The following GRIN2B variants were observed in gnomAD, a reference collection of about 807,000 sequenced individuals.
GRIN2B encodes glutamate receptor ionotropic, NMDA 2B.
Under a neutral mutation model 114.5 loss-of-function variants are expected in GRIN2B, and 5 were observed. The observed-to-expected ratio is 0.04, with a 90% CI of 0.02 to 0.09. The LOEUF (loss-of-function observed/expected upper bound fraction) is 0.09. Among genes scored for constraint, GRIN2B ranks in the 10% least tolerant of loss-of-function variants. GRIN2B has a pLI of 1.00. For missense variants in GRIN2B, 1,108 were observed against 1,943.5 expected (o/e 0.57, Z 8.08); for synonymous variants, 787 against 745.1 (o/e 1.06, Z -0.92).
intron 4 of GRIN2B, among the ~76,000 whole-genome samples, chr12:13,691,939 C>T (rs569957879): frequency 8.5e-5 from 13 of 152,114 alleles, no homozygotes; most frequent in Non-Finnish European, 1.8e-4. Flanking sequence ...CTCTTCTTCC[C>T]ATTTGTTTTT....
chr12:13,819,277 A>G (rs1030752873), intron 3 of GRIN2B, among the ~76,000 whole-genome samples: 2 of 152,160 alleles, frequency 1.3e-5, no homozygotes, highest in African/African-American at 4.8e-5. Flanking sequence ...TTGCACTTCT[A>G]GCCTTCCAAA....
At chr12:13,736,136 G>C (rs188960679) in intron 4 of GRIN2B, among the ~76,000 whole-genome samples, 10,359 of 25,896 alleles carry the variant, frequency 0.4, 1,168 homozygotes, top group Admixed American at 0.47. Context: ...ATAGAAAAGC[G>C]GGGGGGGGGG....
chr12:13,833,248 A>G (rs189938987), intron 3 of GRIN2B, among the ~76,000 whole-genome samples: 1 of 152,314 alleles, frequency 6.6e-6, no homozygotes, highest in East Asian at 1.9e-4. Flanking sequence ...CCTGATCACT[A>G]AAACATCTCA....
intron 5 of GRIN2B, among the ~76,000 whole-genome samples, chr12:13,670,989 T>C (rs1051048051): frequency 6.6e-6 from 1 of 152,138 alleles, no homozygotes; most frequent in South Asian, 2.1e-4. Context: ...TGTAAATGTT[T>C]GGAGTATTTT....
At chr12:13,738,435 C>T (rs150502496) in intron 4 of GRIN2B, among the ~76,000 whole-genome samples, 227 of 152,272 alleles carry the variant, frequency 1.5e-3, no homozygotes, top group African/African-American at 5.3e-3. Flanking sequence ...TGTTTTGATG[C>T]TCATGTTGCC....
At chr12:13,774,493 C>A (rs144780634) in intron 3 of GRIN2B, among the ~76,000 whole-genome samples, 2 of 152,044 alleles carry the variant, frequency 1.3e-5, no homozygotes, top group African/African-American at 2.4e-5. Context: ...CTAGAAGAGG[C>A]GTTTAATAAT....
chr12:13,757,733 G>A (rs1485547112), intron 3 of GRIN2B, among the ~76,000 whole-genome samples: 3 of 152,118 alleles, frequency 2.0e-5, no homozygotes, highest in Non-Finnish European at 4.4e-5. Context: ...AAGCAGCACA[G>A]GGAAGGTAGA....
intron 10 of GRIN2B, among the ~76,000 whole-genome samples, chr12:13,582,156 A>G (rs1208858552): frequency 1.3e-5 from 2 of 152,194 alleles, no homozygotes; most frequent in African/African-American, 4.8e-5. Flanking sequence ...CCCTACCCCT[A>G]AAACAAACTG....
intron 2 of GRIN2B, among the ~76,000 whole-genome samples, chr12:13,912,041 C>G (rs1591617233): frequency 6.6e-6 from 1 of 152,264 alleles, no homozygotes; most frequent in East Asian, 1.9e-4. Context: ...AACTCGCCTA[C>G]TGCCTCTTCC....
chr12:13,621,637 T>C (rs1034016089), intron 5 of GRIN2B, among the ~76,000 whole-genome samples: 1 of 147,372 alleles, frequency 6.8e-6, no homozygotes, highest in Non-Finnish European at 1.5e-5. Flanking sequence ...TTTTTTTTTT[T>C]TTTCAGAAAA....
At chr12:13,633,352 A>G (rs570180701) in intron 5 of GRIN2B, among the ~76,000 whole-genome samples, 1 of 152,222 alleles carries the variant, frequency 6.6e-6, no homozygotes, top group Non-Finnish European at 1.5e-5. Flanking sequence ...AGCCTCACGC[A>G]TGCTAATGTT....
chr12:13,824,369 G>C (rs190514310), intron 3 of GRIN2B, among the ~76,000 whole-genome samples: 22 of 152,194 alleles, frequency 1.4e-4, no homozygotes, highest in African/African-American at 4.6e-4. Context: ...GTCTCTCAAG[G>C]TGTTTGTCTA....
In GRIN2B at chr12:13,556,334, T is replaced by C. The variant is rs1948479016; in HGVS notation, c.*6449A>G. 1.3e-5 allele frequency: 2 copies of C among 152,212 alleles called. No homozygotes were observed. The highest frequency in any genetic ancestry group is 4.8e-5 in the African/African-American group (2 of 41,446). 9.4% of individuals were successfully genotyped at this position (152,212 alleles called of 1,614,324 possible). A position where few individuals can be genotyped will look rare whatever the true frequency, so the allele number is the denominator to read the frequency against. ...AAATGTATGCATACCTATTTATACA[T>C]ACATTTACATATTTTATACTTATGC... On this transcript the variant is annotated 3_prime_UTR_variant, in exon 14 of 14. Coordinates refer to ENST00000609686, the MANE Select transcript of GRIN2B (RefSeq NM_000834.5).
intron 4 of GRIN2B, among the ~76,000 whole-genome samples, chr12:13,744,681 T>A (rs1863346269): frequency 6.6e-6 from 1 of 152,160 alleles, no homozygotes; most frequent in Non-Finnish European, 1.5e-5. Context: ...CGGCTGCTGC[T>A]GCTGGAAGCT....
intron 2 of GRIN2B, among the ~76,000 whole-genome samples, chr12:13,910,777 A>G (rs557550387): frequency 6.6e-6 from 1 of 152,310 alleles, no homozygotes; most frequent in South Asian, 2.1e-4. Flanking sequence ...CATGACTGAA[A>G]ATGATCATTG....
intron 3 of GRIN2B, among the ~76,000 whole-genome samples, chr12:13,848,945 G>A (rs1411075906): frequency 6.6e-6 from 1 of 152,202 alleles, no homozygotes; most frequent in Non-Finnish European, 1.5e-5. Context: ...ACTACTTGCT[G>A]GGTTACCAAG....
intron 2 of GRIN2B, among the ~76,000 whole-genome samples, chr12:13,977,114 G>T (rs1863034535): frequency 6.6e-6 from 1 of 152,210 alleles, no homozygotes; most frequent in South Asian, 2.1e-4. Context: ...TTAAAGAAAA[G>T]CACTTGGTGT....
chr12:13,951,237 T>A (rs946950696), intron 2 of GRIN2B, among the ~76,000 whole-genome samples: 6 of 152,152 alleles, frequency 3.9e-5, no homozygotes, highest in Admixed American at 2.6e-4. Context: ...ATTCACTAAA[T>A]CTGACAACCC....
In GRIN2B at chr12:13,538,837, A is replaced by C. The variant is rs1485249255; in HGVS notation, c.*23946T>G. The C allele has an allele frequency of 6.6e-6, 1 of 151,300 alleles. No individual in the cohort carries two copies. Among genetic ancestry groups the C allele is most frequent in the Non-Finnish European group, 1.5e-5 (1 of 67,742 alleles). The allele number at this position is 151,300 out of a possible 1,614,324, so 9.4% of individuals were successfully genotyped here. A position where few individuals can be genotyped will look rare whatever the true frequency, so the allele number is the denominator to read the frequency against. On this transcript the variant is annotated 3_prime_UTR_variant, in exon 14 of 14. Transcript: ENST00000609686. ...TAAAAAACAAACAAACAAAAAAAAA[A>C]CAAACAAAAAAACAAAAACAACAGA...
Sources: allele counts gnomAD v4.1 joint callset (sites outside exome capture counted in the v4.1 genomes callset), GRCh38; gene constraint gnomAD v4.1.1; transcripts MANE v1.5; gene names NCBI Gene and HGNC (gene_info 2026-07-23, HGNC 2026-07-21).